Variants in ST18 observed in about 807,000 individuals in gnomAD.
ST18 encodes the protein ST18 C2H2C-type zinc finger transcription factor.
A neutral mutation model predicts 110.0 loss-of-function variants in ST18; 50 were observed. The observed-to-expected ratio is 0.45, with a 90% CI of 0.36 to 0.58. The LOEUF is 0.58. Ranked by LOEUF, ST18 falls within the 20% of genes least tolerant of loss-of-function variation. The pLI, the probability that ST18 is intolerant of heterozygous loss-of-function variation, is 0.00. For synonymous variants in ST18, 461 were observed against 452.4 expected, an observed-to-expected ratio of 1.02 and a Z score of -0.24; for missense variants, 1,306 against 1,280.1, an observed-to-expected ratio of 1.02 and a Z score of -0.31.
At chr8:52,204,386 C>T (rs901338585) in intron 8 of ST18, among the ~76,000 whole-genome samples, 1 of 152,102 alleles carries the variant, frequency 6.6e-6, no homozygotes, top group Non-Finnish European at 1.5e-5. Flanking sequence ...TTCCAAACGC[C>T]CGTTAATTTC....
intron 2 of ST18, among the ~76,000 whole-genome samples, chr8:52,408,095 G>A (rs1006253747): frequency 1.3e-5 from 2 of 152,070 alleles, no homozygotes; most frequent in Non-Finnish European, 2.9e-5. Flanking sequence ...TAAAAAGTTT[G>A]GTTACAAAGT....
At chr8:52,387,405 T>TC (rs1269240484) in intron 2 of ST18, among the ~76,000 whole-genome samples, 1 of 152,136 alleles carries the variant, frequency 6.6e-6, no homozygotes, top group Non-Finnish European at 1.5e-5. Context: ...CACTAGAGTG[T>TC]CCCCCTAGGT....
chr8:52,320,575 T>C (rs547591230), intron 2 of ST18, among the ~76,000 whole-genome samples: 2 of 152,190 alleles, frequency 1.3e-5, no homozygotes, highest in Non-Finnish European at 2.9e-5. Flanking sequence ...ACAGTCAACT[T>C]ACTGGGACAC....
chr8:52,309,375 G>A (rs1033106664), intron 2 of ST18, among the ~76,000 whole-genome samples: 7 of 151,968 alleles, frequency 4.6e-5, no homozygotes, highest in South Asian at 2.1e-4. Flanking sequence ...ACAAAAATCC[G>A]CCAGGTGTGG....
At chr8:52,348,877 C>A (rs1241530563) in intron 2 of ST18, among the ~76,000 whole-genome samples, 1 of 152,168 alleles carries the variant, frequency 6.6e-6, no homozygotes, top group Non-Finnish European at 1.5e-5. Context: ...GGGAACACAA[C>A]ACCCACTGTC....
At chr8:52,130,167 A>AAAGAAAG (rs1554586232) in intron 22 of ST18, among the ~76,000 whole-genome samples, 990 of 89,960 alleles carry the variant, frequency 0.011, 14 homozygotes, top group Admixed American at 0.024. Context: ...AAGAAAGAAA[A>AAAGAAAG]AGAAAAGAAA....
At chr8:52,127,198 A>C (rs2047427354) in intron 22 of ST18, among the ~76,000 whole-genome samples, 1 of 152,214 alleles carries the variant, frequency 6.6e-6, no homozygotes, top group African/African-American at 2.4e-5. Context: ...GTATTTTTTC[A>C]AGAATGCTAA....
intron 2 of ST18, among the ~76,000 whole-genome samples, chr8:52,315,593 A>G (rs754647762): frequency 6.6e-6 from 1 of 152,094 alleles, no homozygotes; most frequent in Non-Finnish European, 1.5e-5. Context: ...CATCGTCCAC[A>G]AAAATTTAGG....
At chr8:52,186,539 T>C (rs1161002243) in intron 8 of ST18, among the ~76,000 whole-genome samples, 3 of 152,198 alleles carry the variant, frequency 2.0e-5, no homozygotes, top group African/African-American at 7.2e-5. Flanking sequence ...TGTCTACCCA[T>C]GGCCCAGAAA....
intron 23 of ST18, among the ~76,000 whole-genome samples, chr8:52,121,906 T>C (rs981259490): frequency 2.6e-5 from 4 of 152,124 alleles, no homozygotes; most frequent in Non-Finnish European, 4.4e-5. Context: ...AGTACAGGAG[T>C]GCAATCTCTG....
At chr8:52,147,339 C>A (rs1034061612) in intron 16 of ST18, among the ~76,000 whole-genome samples, 1 of 152,080 alleles carries the variant, frequency 6.6e-6, no homozygotes, top group Admixed American at 6.6e-5. Context: ...TATGAAATCT[C>A]ATTTTCTGGC....
rs74595119 is a variant in ST18 at position 52,266,911 on chromosome 8, C to T, written c.-464-36834G>A. 9.7e-3 allele frequency among the ~76,000 whole-genome samples: 1,480 copies of T among 152,206 alleles called. 20 individuals are homozygous for T. Among genetic ancestry groups the T allele is most frequent in the African/African-American group, 0.034 (1,405 of 41,524 alleles). ...TAAAGCAGTCCCCTTTCTCTGCAGC[C>T]CTGTGCCTCTGGGTCACTGCAGGTG... On this transcript the variant is annotated intron_variant, in intron 2 of 25. Coordinates refer to ENST00000689386, the MANE Select transcript of ST18 (RefSeq NM_001352837.2).
intron 2 of ST18, among the ~76,000 whole-genome samples, chr8:52,316,944 C>T (rs563814685): frequency 2.0e-4 from 30 of 152,292 alleles, no homozygotes; most frequent in African/African-American, 6.5e-4. Flanking sequence ...GGGAAGATGT[C>T]CTTTATCTTA....
intron 2 of ST18, among the ~76,000 whole-genome samples, chr8:52,392,437 G>T (rs1023569892): frequency 6.6e-5 from 10 of 152,078 alleles, no homozygotes; most frequent in Admixed American, 5.2e-4. Flanking sequence ...GAGGCATGAG[G>T]TTAGCAAGAG....
chr8:52,117,543 A>G (rs1349043453), intron 24 of ST18, among the ~76,000 whole-genome samples: 1 of 152,204 alleles, frequency 6.6e-6, no homozygotes. Flanking sequence ...CAAAAGTATC[A>G]ATCTGTGGAC....
At chr8:52,129,451 CAAAAAAAAAA>C (rs34059224) in intron 22 of ST18, among the ~76,000 whole-genome samples, 967 of 72,284 alleles carry the variant, frequency 0.013, 14 homozygotes, top group African/African-American at 0.041. Context: ...GAGACTCCAT[CAAAAAAAAAA>C]AAAAAAAAAA....
intron 25 of ST18, among the ~76,000 whole-genome samples, chr8:52,115,576 C>A (rs1271957450): frequency 3.3e-5 from 5 of 152,162 alleles, no homozygotes; most frequent in African/African-American, 9.7e-5. Context: ...AACCTCAGAG[C>A]AGTAGGCTGT....
chr8:52,147,999 T>C (rs908330988), intron 16 of ST18, among the ~76,000 whole-genome samples: 4 of 152,172 alleles, frequency 2.6e-5, no homozygotes, highest in African/African-American at 9.7e-5. Flanking sequence ...ACTCGAGGGA[T>C]GTGAACACTG....
intron 2 of ST18, among the ~76,000 whole-genome samples, chr8:52,338,819 C>T (rs1452835128): frequency 6.6e-6 from 1 of 152,022 alleles, no homozygotes; most frequent in Non-Finnish European, 1.5e-5. Flanking sequence ...CCCACTACAG[C>T]CTCAACCTTC....
Sources: gnomAD v4.1 joint callset for allele counts (sites outside exome capture counted in the v4.1 genomes callset) on GRCh38, gnomAD v4.1.1 for gene constraint, MANE v1.5 for transcripts, NCBI Gene and HGNC (gene_info 2026-07-23, HGNC 2026-07-21) for gene names.